FGGY: variants seen among roughly 807,000 people sequenced by gnomAD.
FGGY encodes the protein FGGY carbohydrate kinase domain-containing protein.
Under a neutral mutation model 71.3 loss-of-function variants are expected in FGGY, and 72 were observed. The observed-to-expected ratio is 1.01, with a 90% CI of 0.84 to 1.23. The LOEUF is 1.23. Ranked by LOEUF, FGGY falls within the 50% of genes most tolerant of loss-of-function variation. The probability of loss-of-function intolerance (pLI) is 0.00; values close to 1 mark genes in which losing one functional copy is unlikely to be tolerated. For synonymous variants in FGGY, 251 were observed against 250.3 expected, an observed-to-expected ratio of 1.00 and a Z score of -0.02; for missense variants, 668 against 682.3, an observed-to-expected ratio of 0.98 and a Z score of 0.23.
At chr1:59,429,390 T>G (rs1253524409) in intron 5 of FGGY, among the ~76,000 whole-genome samples, 1 of 152,228 alleles carries the variant, frequency 6.6e-6, no homozygotes, top group Non-Finnish European at 1.5e-5. Flanking sequence ...CTTGATTTTT[T>G]TGCTTGGTAA....
At chr1:59,693,550 G>A (rs1365492553) in intron 14 of FGGY, among the ~76,000 whole-genome samples, 1 of 152,054 alleles carries the variant, frequency 6.6e-6, no homozygotes, top group Non-Finnish European at 1.5e-5. Context: ...AAGAAGAAGA[G>A]GAAGGAGAAG....
intron 6 of FGGY, among the ~76,000 whole-genome samples, chr1:59,480,063 G>T (rs188823649): frequency 1.1e-4 from 16 of 152,084 alleles, no homozygotes; most frequent in African/African-American, 3.9e-4. Context: ...CCATAATCTC[G>T]CAACTGGATT....
intron 14 of FGGY, among the ~76,000 whole-genome samples, chr1:59,685,726 A>G (rs1310032506): frequency 1.3e-5 from 2 of 152,184 alleles, no homozygotes; most frequent in Non-Finnish European, 2.9e-5. Context: ...GATCTGGCTT[A>G]TCTATGGGTC....
chr1:59,343,436 TAAAC>T (rs889803024), intron 3 of FGGY, among the ~76,000 whole-genome samples: 3 of 152,216 alleles, frequency 2.0e-5, no homozygotes, highest in African/African-American at 7.2e-5. Context: ...AAGAATTAAA[TAAAC>T]ACTTTCCTGC....
intron 14 of FGGY, among the ~76,000 whole-genome samples, chr1:59,748,070 A>T (rs2098215021): frequency 6.6e-6 from 1 of 152,304 alleles, no homozygotes; most frequent in Non-Finnish European, 1.5e-5. Flanking sequence ...GGGAGGCAAG[A>T]TCTGTATACC....
chr1:59,424,965 A>G (rs189460030), intron 5 of FGGY, among the ~76,000 whole-genome samples: 92 of 152,256 alleles, frequency 6.0e-4, no homozygotes, highest in African/African-American at 2.2e-3. Flanking sequence ...ATTGGAAAGA[A>G]TATGGGTTTT....
At chr1:59,481,191 G>C (rs554347781) in intron 6 of FGGY, among the ~76,000 whole-genome samples, 1 of 152,154 alleles carries the variant, frequency 6.6e-6, no homozygotes, top group Non-Finnish European at 1.5e-5. Flanking sequence ...ACAAGGAAAT[G>C]ATGTGATCCA....
chr1:59,579,174 C>T (rs1397640601), intron 8 of FGGY, among the ~76,000 whole-genome samples: 2 of 152,108 alleles, frequency 1.3e-5, no homozygotes, highest in African/African-American at 4.8e-5. Context: ...CTGCGCCCTC[C>T]CTTCTCAAAA....
intron 12 of FGGY, among the ~76,000 whole-genome samples, chr1:59,666,619 T>G (rs996042703): frequency 6.6e-6 from 1 of 152,196 alleles, no homozygotes; most frequent in African/African-American, 2.4e-5. Context: ...GCACAAGAAC[T>G]GAGACACAAG....
At chr1:59,700,387 G>T (rs1227407114) in intron 14 of FGGY, among the ~76,000 whole-genome samples, 1 of 152,134 alleles carries the variant, frequency 6.6e-6, no homozygotes, top group Non-Finnish European at 1.5e-5. Context: ...AATTAACTCA[G>T]TCACCATGGG....
intron 6 of FGGY, among the ~76,000 whole-genome samples, chr1:59,464,160 A>G (rs182894295): frequency 1.9e-4 from 29 of 152,310 alleles, no homozygotes; most frequent in Non-Finnish European, 4.0e-4. Flanking sequence ...ATCACAACAA[A>G]CTGTCTTTCA....
chr1:59,412,845 G>C (rs1221038931), intron 5 of FGGY, among the ~76,000 whole-genome samples: 1 of 152,132 alleles, frequency 6.6e-6, no homozygotes, highest in African/African-American at 2.4e-5. Context: ...CGTGGGGCCT[G>C]GCATTGGGAT....
chr1:59,728,068 G>GTTTGTAACTATTTTATA (rs1247578221), intron 14 of FGGY, among the ~76,000 whole-genome samples: 1 of 152,026 alleles, frequency 6.6e-6, no homozygotes, highest in Non-Finnish European at 1.5e-5. Flanking sequence ...TATCTACCAT[G>GTTTGTAACTATTTTATA]TTTGTAACTA....
intron 12 of FGGY, among the ~76,000 whole-genome samples, chr1:59,661,366 T>C (rs1572815895): frequency 6.6e-6 from 1 of 152,346 alleles, no homozygotes; most frequent in Non-Finnish European, 1.5e-5. Flanking sequence ...ATAACTTCTT[T>C]AATGCAACTA....
chr1:59,701,024 G>A (rs2097705066), intron 14 of FGGY, among the ~76,000 whole-genome samples: 1 of 152,144 alleles, frequency 6.6e-6, no homozygotes, highest in Non-Finnish European at 1.5e-5. Flanking sequence ...TTTCTCTGCT[G>A]CCAACACTTG....
At chr1:59,738,277 C>A (rs2098121789) in intron 14 of FGGY, among the ~76,000 whole-genome samples, 3 of 152,282 alleles carry the variant, frequency 2.0e-5, no homozygotes, top group Middle Eastern at 3.4e-3. Flanking sequence ...TTACAAAAAT[C>A]ATAATATATG....
intron 7 of FGGY, among the ~76,000 whole-genome samples, chr1:59,542,149 G>A (rs979275724): frequency 1.3e-5 from 2 of 152,178 alleles, no homozygotes; most frequent in Admixed American, 6.5e-5. Context: ...GGCCCATACA[G>A]CGGGAATTAC....
chr1:59,406,073 TGTTTTTTAAAAA>T (rs1269524991), intron 5 of FGGY, among the ~76,000 whole-genome samples: 5 of 151,978 alleles, frequency 3.3e-5, no homozygotes. Context: ...CAGGAACAAA[TGTTTTTTAAAAA>T]GCTTTTTTAA....
intron 8 of FGGY, among the ~76,000 whole-genome samples, chr1:59,578,708 T>C (rs12077578): frequency 0.028 from 4,219 of 152,008 alleles, 203 homozygotes; most frequent in African/African-American, 0.097. Context: ...TGGAACAAAT[T>C]TACCAAGGAG....
Sources: gnomAD v4.1 joint callset for allele counts (sites outside exome capture counted in the v4.1 genomes callset) on GRCh38, gnomAD v4.1.1 for gene constraint, MANE v1.5 for transcripts, NCBI Gene and HGNC (gene_info 2026-07-23, HGNC 2026-07-21) for gene names.